Variants in SYNDIG1L observed in about 807,000 individuals in gnomAD.
SYNDIG1L encodes the protein synapse differentiation inducing 1 like.
A neutral mutation model predicts 20.1 loss-of-function variants in SYNDIG1L; 13 were observed. The observed-to-expected ratio is 0.65, with a 90% confidence interval of 0.42 to 1.03. The LOEUF is 1.03. Ranked by LOEUF, SYNDIG1L falls within the 50% of genes least tolerant of loss-of-function variation. SYNDIG1L has a pLI of 0.00. For missense variants in SYNDIG1L, 294 were observed against 305.1 expected (o/e 0.96, Z 0.27); for synonymous variants, 128 against 129.3 (o/e 0.99, Z 0.07).
chr14:74,423,598 A>G (rs1421919924), intron 1 of SYNDIG1L, among the ~76,000 whole-genome samples: 1 of 152,180 alleles, frequency 6.6e-6, no homozygotes, highest in Admixed American at 6.5e-5. Flanking sequence ...CTCTACCGAA[A>G]TGCCAATTAG....
the SYNDIG1L span, among the ~76,000 whole-genome samples, chr14:74,444,678 G>A: frequency 6.6e-6 from 1 of 151,990 alleles, no homozygotes; most frequent in Admixed American, 6.6e-5. Flanking sequence ...TGGAGCCTGG[G>A]AGGCGGAGAT....
intron 1 of SYNDIG1L, among the ~76,000 whole-genome samples, chr14:74,416,332 G>A (rs1047294964): frequency 3.9e-5 from 6 of 152,044 alleles, no homozygotes; most frequent in Non-Finnish European, 8.8e-5. Flanking sequence ...ATATCTCAAA[G>A]ATGACTTAAA....
chr14:74,432,330 A>G, the SYNDIG1L span, among the ~76,000 whole-genome samples: 1 of 152,190 alleles, frequency 6.6e-6, no homozygotes, highest in Admixed American at 6.5e-5. Flanking sequence ...CATTACAGCA[A>G]ACACATATTT....
the SYNDIG1L span, among the ~76,000 whole-genome samples, chr14:74,478,692 A>G: frequency 6.6e-6 from 1 of 152,250 alleles, no homozygotes; most frequent in South Asian, 2.1e-4. Context: ...TCTTGTGCAC[A>G]GAGGATAGCC....
At chr14:74,411,472 C>A (rs2086130256) in intron 1 of SYNDIG1L, among the ~76,000 whole-genome samples, 1 of 152,184 alleles carries the variant, frequency 6.6e-6, no homozygotes. Flanking sequence ...CTGCGATTAT[C>A]TAGTCACCTC....
the SYNDIG1L span, among the ~76,000 whole-genome samples, chr14:74,445,315 A>AAT: frequency 3.9e-4 from 60 of 152,198 alleles, 1 homozygote; most frequent in Admixed American, 3.7e-3. Flanking sequence ...GTCTTTTTAA[A>AAT]ATATATATAT....
the SYNDIG1L span, among the ~76,000 whole-genome samples, chr14:74,456,256 G>A: frequency 6.6e-6 from 1 of 152,176 alleles, no homozygotes; most frequent in African/African-American, 2.4e-5. Flanking sequence ...TTTGCTGGGC[G>A]CAGTGCCTCA....
At chr14:74,475,620 A>C in the SYNDIG1L span, among the ~76,000 whole-genome samples, 1 of 151,700 alleles carries the variant, frequency 6.6e-6, no homozygotes, top group South Asian at 2.1e-4. Context: ...AGCTCCTGGG[A>C]GGGTCTGAGA....
chr14:74,445,920 T>G, the SYNDIG1L span, among the ~76,000 whole-genome samples: 3 of 152,306 alleles, frequency 2.0e-5, no homozygotes, highest in Admixed American at 6.5e-5. Context: ...TTAAAATTTA[T>G]TCCTCAAAAT....
chr14:74,419,095 T>C (rs1240196965), intron 1 of SYNDIG1L, among the ~76,000 whole-genome samples: 3 of 152,152 alleles, frequency 2.0e-5, no homozygotes, highest in African/African-American at 7.2e-5. Context: ...CCCATCTCTG[T>C]TTGTCAGAAG....
the SYNDIG1L span, among the ~76,000 whole-genome samples, chr14:74,446,140 C>T: frequency 5.3e-5 from 8 of 152,140 alleles, no homozygotes; most frequent in Non-Finnish European, 1.0e-4. Context: ...AGAAGCAACT[C>T]AAATAATTGA....
chr14:74,466,405 G>A, the SYNDIG1L span, among the ~76,000 whole-genome samples: 1 of 152,310 alleles, frequency 6.6e-6, no homozygotes, highest in Non-Finnish European at 1.5e-5. Context: ...AGGCCCCAGG[G>A]AAAGGATGAG....
the SYNDIG1L span, among the ~76,000 whole-genome samples, chr14:74,476,015 T>G: frequency 6.6e-6 from 1 of 152,202 alleles, no homozygotes; most frequent in Non-Finnish European, 1.5e-5. Flanking sequence ...CTCTTTGTTT[T>G]AGTAAAAAAA....
At chr14:74,444,073 T>C in the SYNDIG1L span, among the ~76,000 whole-genome samples, 1 of 152,188 alleles carries the variant, frequency 6.6e-6, no homozygotes, top group African/African-American at 2.4e-5. Context: ...ATTTATTTTA[T>C]TTTATTTTTT....
At position 74,407,461 on chromosome 14, in the gene SYNDIG1L, A is replaced by G. The variant is rs1295661516; in HGVS notation, c.*74T>C. 1.9e-6 allele frequency: 3 copies of G among 1,595,568 alleles called. No individual in the cohort carries two copies. The highest frequency in any genetic ancestry group is 2.6e-6 in the Non-Finnish European group (3 of 1,173,252). On this transcript the variant is annotated 3_prime_UTR_variant, in exon 4 of 4. Transcript: ENST00000331628. ...TCATCTTCAGGGGCCGGGCCTTTCC[A>G]TAGGGTCTGCAACTCCAAGCCCCAC...
chr14:74,429,308 T>C (rs1200361674), upstream of SYNDIG1L, among the ~76,000 whole-genome samples: 2 of 152,226 alleles, frequency 1.3e-5, no homozygotes, highest in African/African-American at 4.8e-5. Context: ...CCCACATCTC[T>C]GACATTCCTT....
chr14:74,457,070 C>T, the SYNDIG1L span, among the ~76,000 whole-genome samples: 15 of 152,200 alleles, frequency 9.9e-5, no homozygotes, highest in African/African-American at 1.4e-4. Flanking sequence ...CTGGGGCCAG[C>T]GTGCCCAAGG....
the SYNDIG1L span, among the ~76,000 whole-genome samples, chr14:74,455,671 C>T: frequency 7.9e-5 from 12 of 152,282 alleles, no homozygotes; most frequent in South Asian, 1.9e-3. Context: ...CTGCCTGCCT[C>T]GGCCTCCCAA....
At chr14:74,424,034 C>A (rs2086245871) in intron 1 of SYNDIG1L, among the ~76,000 whole-genome samples, 1 of 152,040 alleles carries the variant, frequency 6.6e-6, no homozygotes, top group South Asian at 2.1e-4. Flanking sequence ...ATATAAATGG[C>A]TTTTTCTGGT....
Sources: gnomAD v4.1 joint callset for allele counts (sites outside exome capture counted in the v4.1 genomes callset) on GRCh38, gnomAD v4.1.1 for gene constraint, MANE v1.5 for transcripts, NCBI Gene and HGNC (gene_info 2026-07-23, HGNC 2026-07-21) for gene names.